The following BTN3A3 variants were observed in gnomAD, a reference collection of about 807,000 sequenced individuals.
BTN3A3 encodes the protein butyrophilin 3.
BTN3A3 carries 39 observed loss-of-function variants against 43.2 expected under a neutral mutation model. The observed-to-expected ratio is 0.90, with a 90% CI of 0.70 to 1.18. The LOEUF (loss-of-function observed/expected upper bound fraction) is 1.18, where lower values mean the gene tolerates loss of function less well. Among genes scored for constraint, BTN3A3 ranks in the 50% most tolerant of loss-of-function variants. The pLI, the probability that BTN3A3 is intolerant of heterozygous loss-of-function variation, is 0.00. For missense variants in BTN3A3, 631 were observed against 722.8 expected, an observed-to-expected ratio of 0.87 and a Z score of 1.46; for synonymous variants, 255 against 272.7, an observed-to-expected ratio of 0.93 and a Z score of 0.64.
intron 8 of BTN3A3, chr6:26,449,316 A>G (rs1762865518): frequency 1.1e-5 from 3 of 276,552 alleles, no homozygotes; most frequent in Admixed American, 4.8e-5. Flanking sequence ...AAGGTAGGAA[A>G]TGATACAGAT....
chr6:26,449,994 G>A (rs1762885897), intron 9 of BTN3A3, 113 bp from the exon 10 acceptor site: 3 of 1,267,596 alleles, frequency 2.4e-6, no homozygotes, highest in South Asian at 1.3e-5. Flanking sequence ...GGAAGCTGAA[G>A]CCTGGAAGAG....
rs1196920544 is a variant in BTN3A3 at position 26,448,420 on chromosome 6, T to C, written c.888T>C (p.Ala296=). Residue 296 remains alanine (A), a synonymous_variant, in exon 6 of 11, where the codon GCT becomes GCC. Coordinates refer to ENST00000244519, the MANE Select transcript of BTN3A3 (RefSeq NM_006994.5). The part of the protein sequence containing the change: ...REREMKEMGY[A]ATEQEISLRE... ...GAGAGATGAAAGAAATGGGATACGC[T>C]GCAACAGAGCAAGAAATAAGCCTAA... The C allele has an allele frequency of 1.2e-6, 2 of 1,613,780 alleles. No individual in the cohort carries two copies. Among genetic ancestry groups the C allele is most frequent in the South Asian group, 2.2e-5 (2 of 91,064 alleles).
intron 4 of BTN3A3, 153 bp downstream of exon 4, chr6:26,444,457 A>G: frequency 3.3e-6 from 4 of 1,213,808 alleles, no homozygotes; most frequent in Non-Finnish European, 4.6e-6. Context: ...ACCCTTAAGA[A>G]AGACACATTC....
chr6:26,445,513 C>A, intron 4 of BTN3A3, 191 bp from the exon 5 acceptor site: 2 of 660,296 alleles, frequency 3.0e-6, no homozygotes, highest in Non-Finnish European at 5.1e-6. Flanking sequence ...ATGGGAATAG[C>A]CCCACATTAC....
At chr6:26,446,576 G>A (rs189368387) in intron 5 of BTN3A3, among the ~76,000 whole-genome samples, 3 of 152,308 alleles carry the variant, frequency 2.0e-5, no homozygotes, top group Non-Finnish European at 4.4e-5. Flanking sequence ...TCATTTGCTC[G>A]TGTCACTTGT....
At chr6:26,450,034 G>A in intron 9 of BTN3A3, 73 bp from the exon 10 acceptor site, 1 of 1,500,382 alleles carries the variant, frequency 6.7e-7, no homozygotes, top group Non-Finnish European at 9.3e-7. Context: ...AAAACGTGTA[G>A]TGAAAGGAGA....
At position 26,452,712 on chromosome 6, in the gene BTN3A3, T is replaced by A; in HGVS notation, c.*301T>A. The A allele has an allele frequency of 3.1e-6, 1 of 327,788 alleles. No individual in the cohort carries two copies. Among genetic ancestry groups the A allele is most frequent in the Non-Finnish European group, 5.6e-6 (1 of 178,212 alleles). 20.3% of individuals were successfully genotyped at this position (327,788 alleles called of 1,614,324 possible). ...TGAGGCAGGGCAACATGAAGTAACT[T>A]ACATAACTCATACAGTAATTTGTGC... On this transcript the variant is annotated 3_prime_UTR_variant, in exon 11 of 11. Coordinates refer to ENST00000244519, the MANE Select transcript of BTN3A3 (RefSeq NM_006994.5).
intron 10 of BTN3A3, among the ~76,000 whole-genome samples, chr6:26,451,428 A>G (rs1244573751): frequency 6.6e-6 from 1 of 152,142 alleles, no homozygotes; most frequent in Admixed American, 6.5e-5. Flanking sequence ...GAGGATCCTT[A>G]TTGCTTCCTG....
At chr6:26,446,209 A>G (rs755096337) in intron 5 of BTN3A3, among the ~76,000 whole-genome samples, 10 of 152,242 alleles carry the variant, frequency 6.6e-5, no homozygotes, top group Non-Finnish European at 1.5e-4. Context: ...TTCCTGTCTG[A>G]CAGAAACAGA....
intron 4 of BTN3A3, 89 bp downstream of exon 4, chr6:26,444,393 C>G: frequency 2.5e-6 from 4 of 1,591,516 alleles, no homozygotes; most frequent in Non-Finnish European, 3.4e-6. Flanking sequence ...TGCAGACACT[C>G]CTGGCTGCTC....
chr6:26,442,505 T>C (rs1207880927), intron 1 of BTN3A3, among the ~76,000 whole-genome samples: 1 of 152,204 alleles, frequency 6.6e-6, no homozygotes, highest in African/African-American at 2.4e-5. Context: ...ATCATTAGTG[T>C]AGTTCTGCAA....
rs546601682 is a variant in BTN3A3 at position 26,448,191 on chromosome 6, G to A, written c.716-57G>A. 8.3e-4 allele frequency: 1,310 copies of A among 1,582,466 alleles called. 1 individual carries two copies. The highest frequency in any genetic ancestry group is 9.7e-4 in the Non-Finnish European group (1,135 of 1,164,922). ...CTGAGCAGCTAAAGCTTGGGGTGCTGAGGCTGGGGAGGCTGAGTGCACTAG... is the reference window on the plus strand; with the variant it reads ...CTGAGCAGCTAAAGCTTGGGGTGCTAAGGCTGGGGAGGCTGAGTGCACTAG... On this transcript the variant is annotated intron_variant, in intron 5 of 10. Transcript: ENST00000244519.
intron 10 of BTN3A3, 37 bp from the exon 11 acceptor site, chr6:26,451,638 G>T: frequency 4.4e-6 from 7 of 1,576,010 alleles, no homozygotes; most frequent in Non-Finnish European, 6.0e-6. Flanking sequence ...CAGGAAAAAT[G>T]GCTGACCCCA....
At chr6:26,451,070 G>T (rs1179972106) in intron 10 of BTN3A3, among the ~76,000 whole-genome samples, 7 of 152,154 alleles carry the variant, frequency 4.6e-5, no homozygotes, top group Admixed American at 3.9e-4. Flanking sequence ...AAAGCTGAAG[G>T]CTGGAGAGTG....
intron 4 of BTN3A3, chr6:26,445,478 C>T (rs898531650): frequency 3.4e-6 from 2 of 585,956 alleles, no homozygotes; most frequent in Non-Finnish European, 3.0e-6. Flanking sequence ...GATCCCTCTC[C>T]TCCTCCCTCT....
chr6:26,452,391 C>A lies in BTN3A3; in HGVS notation c.1735C>A (p.Arg579Ser), dbSNP rs140210209. The change falls in exon 11 of 11, where the codon CGC becomes AGC. Residue 579 changes from arginine to serine, a missense_variant. By Grantham distance (110) the Arg-to-Ser change is moderately radical. Coordinates refer to ENST00000244519, the MANE Select transcript of BTN3A3 (RefSeq NM_006994.5). ...TTNQNHKLQA[R>S]TEALY ...CAATCAGAACCATAAGCTACAGGCACGCACTGAAGCACTTTACTGATATTC... is the reference window on the plus strand; with the variant it reads ...CAATCAGAACCATAAGCTACAGGCAAGCACTGAAGCACTTTACTGATATTC... 1.9e-6 allele frequency: 3 copies of A among 1,602,086 alleles called. No homozygotes were observed. Among genetic ancestry groups the A allele is most frequent in the East Asian group, 4.5e-5 (2 of 44,852 alleles).
chr6:26,452,353 C>A lies in BTN3A3; in HGVS notation c.1697C>A (p.Pro566His). The A allele has an allele frequency of 6.2e-7, 1 of 1,610,222 alleles. No individual in the cohort carries two copies. Among genetic ancestry groups the A allele is most frequent in the Non-Finnish European group, 8.5e-7 (1 of 1,180,004 alleles). ...LPAHPGAEVS[P>H]SATTNQNHKL... Reference sequence around the variant, plus strand: ...GCCCACCCTGGAGCTGAGGTCTCCCCTTCTGCAACAACCAATCAGAACCAT... The same window carrying A: ...GCCCACCCTGGAGCTGAGGTCTCCCATTCTGCAACAACCAATCAGAACCAT... Residue 566 changes from proline to histidine, a missense_variant, in exon 11 of 11, where the codon CCT becomes CAT. Physicochemically the swap from Pro to His is moderately conservative, Grantham distance 77 (BLOSUM62 -2). Coordinates refer to ENST00000244519, the MANE Select transcript of BTN3A3 (RefSeq NM_006994.5).
chr6:26,441,891 C>T (rs1378031171), intron 1 of BTN3A3, among the ~76,000 whole-genome samples: 1 of 152,078 alleles, frequency 6.6e-6, no homozygotes, highest in Non-Finnish European at 1.5e-5. Flanking sequence ...TATAAACATC[C>T]TTTAAAAAGA....
At position 26,445,814 on chromosome 6, in the gene BTN3A3, A is replaced by G; in HGVS notation, c.544A>G (p.Thr182Ala). Residue 182 changes from threonine to alanine, a missense_variant, in exon 5 of 11, where the codon ACC (threonine) becomes GCC (alanine). Around this residue, in one of 2 missense-constraint regions of BTN3A3, gnomAD observed 551 missense variants for 584.0 expected, o/e 0.94. Transcript: ENST00000244519. ...YPQPQIKWSD[T>A]KGENIPAVEA... is the part of the protein sequence containing the mutation. The stretch of plus-strand genomic sequence containing the variant: ...CCAACCCCAAATAAAGTGGAGCGAC[A>G]CCAAGGGAGAGAACATCCCGGCTGT... The G allele has an allele frequency of 6.2e-7, 1 of 1,614,184 alleles. No homozygotes were observed. Among genetic ancestry groups the G allele is most frequent in the Non-Finnish European group, 8.5e-7 (1 of 1,180,036 alleles).
Sources: allele counts gnomAD v4.1 joint callset (sites outside exome capture counted in the v4.1 genomes callset), GRCh38; gene constraint gnomAD v4.1.1; regional missense constraint gnomAD v4.1.1; transcripts MANE v1.5; gene names NCBI Gene and HGNC (gene_info 2026-07-23, HGNC 2026-07-21).